Variants in APOH observed in about 807,000 individuals in gnomAD.
APOH encodes the protein beta-2-glycoprotein 1.
A neutral mutation model predicts 39.8 loss-of-function variants in APOH; 48 were observed. The observed-to-expected ratio is 1.21, with a 90% CI of 0.96 to 1.54. The LOEUF is 1.54. Ranked by LOEUF, APOH falls within the 40% of genes most tolerant of loss-of-function variation. The pLI, the probability that APOH is intolerant of heterozygous loss-of-function variation, is 0.00. For missense variants in APOH, 415 were observed against 421.2 expected (o/e 0.99, Z 0.13); for synonymous variants, 153 against 151.1 (o/e 1.01, Z -0.09).
At chr17:66,227,892 C>T in intron 2 of APOH, 128 bp downstream of exon 2, 1 of 942,404 alleles carries the variant, frequency 1.1e-6, no homozygotes, top group Non-Finnish European at 1.6e-6. Flanking sequence ...CTTCTCATTT[C>T]TCTCCAACCT....
rs745434491 is a variant in APOH at position 66,228,078 on chromosome 17, C to A, written c.183G>T (p.Met61Ile). 6.8e-6 allele frequency: 11 copies of A among 1,614,208 alleles called. No homozygotes were observed. Among genetic ancestry groups the A allele is most frequent in the Middle Eastern group, 1.6e-4 (1 of 6,062 alleles). ...CKPGYVSRGG[M>I]RKFICPLTGL... ...CTGTGAGAGGGCAGATAAACTTTCT[C>A]ATCCCTCCTCGGGACACATAGCCCG... The change falls in exon 2 of 8, where the codon ATG (methionine) becomes ATT (isoleucine). Residue 61 changes from methionine to isoleucine, a missense_variant. Physicochemically the swap from Met to Ile is conservative, Grantham distance 10. Coordinates refer to ENST00000205948, the MANE Select transcript of APOH (RefSeq NM_000042.3).
chr17:66,223,370 T>C (rs1197052875), intron 4 of APOH, among the ~76,000 whole-genome samples: 1 of 152,140 alleles, frequency 6.6e-6, no homozygotes, highest in East Asian at 1.9e-4. Context: ...TGACAGTCCC[T>C]GATATACCAA....
chr17:66,221,873 C>G (rs899757017), intron 4 of APOH, among the ~76,000 whole-genome samples: 4 of 152,134 alleles, frequency 2.6e-5, no homozygotes, highest in Admixed American at 2.6e-4. Context: ...CCCTAGATCC[C>G]TGCTGCTCAA....
chr17:66,216,709 G>T, intron 6 of APOH, 79 bp downstream of exon 6: 2 of 1,398,540 alleles, frequency 1.4e-6, no homozygotes, highest in South Asian at 1.5e-5. Flanking sequence ...GAAAAGTGTT[G>T]GAACAAGAAA....
chr17:66,224,470 TAAAAA>T (rs760150264), intron 3 of APOH, among the ~76,000 whole-genome samples: 1 of 43,018 alleles, frequency 2.3e-5, no homozygotes, highest in Non-Finnish European at 3.2e-5. Context: ...GAAGATCCTG[TAAAAA>T]AAAAAAAAAA....
At chr17:66,221,416 G>GAAGGAAGGGAGGAAGGAAGGAAGGA (rs2073401976) in intron 4 of APOH, among the ~76,000 whole-genome samples, 1 of 111,660 alleles carries the variant, frequency 9.0e-6, no homozygotes, top group African/African-American at 4.0e-5. Flanking sequence ...AGGAAGGAAG[G>GAAGGAAGGGAGGAAGGAAGGAAGGA]AAGGAAGGAA....
rs902827652 is a variant in APOH at position 66,212,132 on chromosome 17, C to A, written c.*1G>T. ...ATTTTGTGTGGAATCTGAAAACCAC[C>A]TTAGCATGGCTTTACATCGGATGCA... On this transcript the variant is annotated 3_prime_UTR_variant, in exon 8 of 8. Coordinates refer to ENST00000205948, the MANE Select transcript of APOH (RefSeq NM_000042.3). 6 of 1,612,962 alleles carry A rather than the reference C, an allele frequency of 3.7e-6. No individual in the cohort carries two copies. The African/African-American group carries it at 8.0e-5, about 22-fold the overall frequency.
At chr17:66,226,159 TG>T in intron 2 of APOH, 35 bp from the exon 3 acceptor site, 1 of 1,477,724 alleles carries the variant, frequency 6.8e-7, no homozygotes, top group Non-Finnish European at 9.2e-7. Flanking sequence ...TACTTTTCTT[TG>T]GGCTAAAAAA....
At chr17:66,228,834 C>CTTATTA (rs905027222) in intron 1 of APOH, among the ~76,000 whole-genome samples, 10 of 149,982 alleles carry the variant, frequency 6.7e-5, no homozygotes, top group African/African-American at 2.2e-4. Flanking sequence ...TATTCTTCTT[C>CTTATTA]TTATTATTAT....
chr17:66,217,118 G>A (rs1238739371), intron 5 of APOH, 151 bp from the exon 6 acceptor site: 1 of 566,096 alleles, frequency 1.8e-6, no homozygotes, highest in Non-Finnish European at 2.8e-6. Flanking sequence ...GCTTAATTCT[G>A]TCCCCACTCC....
chr17:66,221,020 C>G (rs2073395710), intron 4 of APOH, among the ~76,000 whole-genome samples: 1 of 151,768 alleles, frequency 6.6e-6, no homozygotes, highest in Non-Finnish European at 1.5e-5. Flanking sequence ...TGGTGAAACC[C>G]CGTCTCTACC....
At chr17:66,220,801 T>C (rs2073393561) in intron 4 of APOH, 59 bp from the exon 5 acceptor site, 1 of 1,453,016 alleles carries the variant, frequency 6.9e-7, no homozygotes, top group Non-Finnish European at 9.3e-7. Flanking sequence ...AAATATACTC[T>C]TTCCAGAAAG....
intron 6 of APOH, among the ~76,000 whole-genome samples, chr17:66,215,551 G>A (rs1210004260): frequency 6.6e-6 from 1 of 152,164 alleles, no homozygotes; most frequent in Non-Finnish European, 1.5e-5. Context: ...CTGCTTCTAG[G>A]GAACTGTAAC....
chr17:66,216,632 T>A (rs1464528119), intron 6 of APOH, among the ~76,000 whole-genome samples, 156 bp downstream of exon 6: 1 of 152,180 alleles, frequency 6.6e-6, no homozygotes, highest in African/African-American at 2.4e-5. Context: ...GCATGAGGCT[T>A]CCCCATGCAC....
intron 5 of APOH, among the ~76,000 whole-genome samples, chr17:66,218,398 C>T (rs187659397): frequency 4.7e-4 from 71 of 152,160 alleles, no homozygotes; most frequent in Middle Eastern, 6.8e-3. Flanking sequence ...CAACCTCCCC[C>T]TCCTGGTTCA....
At chr17:66,221,329 AGAAAGAAAGAAAG>A (rs1230045191) in intron 4 of APOH, among the ~76,000 whole-genome samples, 1 of 127,640 alleles carries the variant, frequency 7.8e-6, no homozygotes, top group African/African-American at 3.0e-5. Flanking sequence ...AAGGAAGGAA[AGAAAGAAAGAAAG>A]GAAAGAAAGA....
chr17:66,219,121 A>C (rs8178851), intron 5 of APOH, among the ~76,000 whole-genome samples: 11,125 of 152,154 alleles, frequency 0.073, 422 homozygotes, highest in African/African-American at 0.098. Context: ...TATAAGAGAT[A>C]CTTCTGGGTC....
Position 66,216,800 on chromosome 17 carries a change from G to A in APOH, c.772C>T (p.Pro258Ser), listed in dbSNP as rs2073368215. 1.2e-6 allele frequency: 2 copies of A among 1,601,362 alleles called. No homozygotes were observed. Among genetic ancestry groups the A allele is most frequent in the East Asian group, 2.3e-5 (1 of 44,374 alleles). The change falls in exon 6 of 8, where the codon CCA (proline) becomes TCA (serine). Residue 258 changes from proline (P) to serine (S), a missense_variant. By Grantham distance (74) the Pro-to-Ser change is moderately conservative (BLOSUM62 -1). Coordinates refer to ENST00000205948, the MANE Select transcript of APOH (RefSeq NM_000042.3). ...TATATTTCCATACCTTTACAACTTG[G>A]CATGGCAGACCAGTTTCCCAGTTTG... is the stretch of plus-strand genomic sequence containing the variant. ...CTKLGNWSAMPSCKASCKVPV... is the reference protein window; with the variant it reads ...CTKLGNWSAMSSCKASCKVPV...
At chr17:66,228,443 C>T (rs1399475066) in intron 1 of APOH, among the ~76,000 whole-genome samples, 1 of 152,076 alleles carries the variant, frequency 6.6e-6, no homozygotes, top group Admixed American at 6.6e-5. Flanking sequence ...TACAGAGGAG[C>T]TTTACACATG....
Sources: gnomAD v4.1 joint callset for allele counts (sites outside exome capture counted in the v4.1 genomes callset) on GRCh38, gnomAD v4.1.1 for gene constraint, MANE v1.5 for transcripts, NCBI Gene and HGNC (gene_info 2026-07-23, HGNC 2026-07-21) for gene names.